Variants in PCSK1 observed in about 807,000 individuals in gnomAD.
PCSK1 encodes the protein neuroendocrine convertase 1.
PCSK1 carries 56 observed loss-of-function variants against 90.6 expected under a neutral mutation model. The observed-to-expected ratio is 0.62, with a 90% CI of 0.50 to 0.77. The LOEUF (loss-of-function observed/expected upper bound fraction) is 0.77. Ranked by LOEUF, PCSK1 falls within the 30% of genes least tolerant of loss-of-function variation. PCSK1 has a pLI of 0.00. For missense variants in PCSK1, 801 were observed against 932.6 expected (o/e 0.86, Z 1.84); for synonymous variants, 348 against 342.4 (o/e 1.02, Z -0.18).
chr5:96,409,401 T>A (rs1345705499), intron 8 of PCSK1, among the ~76,000 whole-genome samples: 1 of 152,178 alleles, frequency 6.6e-6, no homozygotes, highest in Admixed American at 6.5e-5. Context: ...AGGTTGCCCT[T>A]TTTACCTGTT....
Position 96,393,657 on chromosome 5 carries a change from T to C in PCSK1, c.1885-279A>G, listed in dbSNP as rs375471599. 4.6e-5 allele frequency among the ~76,000 whole-genome samples: 7 copies of C among 152,322 alleles called. No individual in the cohort carries two copies. In the East Asian group the frequency reaches 1.3e-3, roughly 29 times the overall value. On this transcript the variant is annotated intron_variant, in intron 13 of 13. Transcript: ENST00000311106. ...GGTGGTTTTGAAGACTAGATGAGAC[T>C]GTATAGGTAAGTACTCAGTACATGG...
intron 4 of PCSK1, among the ~76,000 whole-genome samples, 199 bp downstream of exon 4, chr5:96,423,114 C>T (rs79538383): frequency 2.6e-5 from 4 of 152,242 alleles, no homozygotes; most frequent in Non-Finnish European, 5.9e-5. Context: ...ATTTTTGATC[C>T]CACTGAATTA....
intron 5 of PCSK1, among the ~76,000 whole-genome samples, chr5:96,418,773 T>A (rs1304486640): frequency 6.6e-6 from 1 of 152,200 alleles, no homozygotes; most frequent in Non-Finnish European, 1.5e-5. Flanking sequence ...ATGATAAGGA[T>A]GCCACCTTTT....
chr5:96,416,780 G>A (rs1317261892), intron 5 of PCSK1, among the ~76,000 whole-genome samples: 1 of 152,190 alleles, frequency 6.6e-6, no homozygotes, highest in African/African-American at 2.4e-5. Context: ...CCAGAAGCCT[G>A]AACATGATTG....
rs151257336 is a variant in PCSK1 at position 96,399,999 on chromosome 5, G to T, written c.1384C>A (p.Pro462Thr). Residue 462 changes from proline to threonine, a missense_variant, in exon 10 of 14, where the codon CCT becomes ACT. By Grantham distance (38) the Pro-to-Thr change is conservative. Transcript: ENST00000311106. The stretch of plus-strand genomic sequence containing the variant: ...TTTACAACACACTCTTTCTTCTCAG[G>T]CACGCTCCTCCAGGTCCTGGGGTCA... ...LADPRTWRSV[P>T]EKKECVVKDN... 12 of 1,613,984 alleles carry T rather than the reference G, an allele frequency of 7.4e-6. No individual in the cohort carries two copies. Among genetic ancestry groups the T allele is most frequent in the African/African-American group, 1.3e-5 (1 of 74,930 alleles).
intron 6 of PCSK1, among the ~76,000 whole-genome samples, chr5:96,412,763 T>TTTG (rs1554058757): frequency 6.9e-6 from 1 of 144,506 alleles, no homozygotes; most frequent in African/African-American, 2.8e-5. Context: ...TTTTTTTTTT[T>TTTG]TTTTTTTTTT....
chr5:96,398,003 A>G (rs962457303), intron 11 of PCSK1, among the ~76,000 whole-genome samples: 3 of 152,160 alleles, frequency 2.0e-5, no homozygotes, highest in Non-Finnish European at 2.9e-5. Context: ...AATCTCTTAT[A>G]TTAAAAGACA....
chr5:96,393,856 T>C (rs1040698375), intron 13 of PCSK1, among the ~76,000 whole-genome samples: 33 of 152,120 alleles, frequency 2.2e-4, no homozygotes, highest in Admixed American at 5.9e-4. Flanking sequence ...CTGTAAGAAG[T>C]GGTCAGGGGA....
chr5:96,401,110 AAAG>A (rs1280188901), intron 9 of PCSK1, among the ~76,000 whole-genome samples: 27 of 149,210 alleles, frequency 1.8e-4, no homozygotes, highest in African/African-American at 1.5e-4. Context: ...AAAAAAAAAA[AAAG>A]AAGTTTACAA....
chr5:96,424,008 G>A (rs944207715), intron 3 of PCSK1, among the ~76,000 whole-genome samples: 1 of 152,184 alleles, frequency 6.6e-6, no homozygotes, highest in South Asian at 2.1e-4. Context: ...GATTTAGGGG[G>A]TAAGTGTCTG....
In PCSK1 at chr5:96,390,941, T is replaced by C. The variant is rs1408916634; in HGVS notation, c.*2060A>G. On this transcript the variant is annotated 3_prime_UTR_variant, in exon 14 of 14. Coordinates refer to ENST00000311106, the MANE Select transcript of PCSK1 (RefSeq NM_000439.5). The stretch of plus-strand genomic sequence containing the variant: ...GGTTTTAACCCAGAAAATATTTTGT[T>C]AGGAAGAATCAAAAGAAAGATTTAT... 1 of 152,618 alleles carries C rather than the reference T, an allele frequency of 6.6e-6. No homozygotes were observed. The highest frequency in any genetic ancestry group is 1.9e-4 in the East Asian group (1 of 5,198). 9.5% of individuals were successfully genotyped at this position (152,618 alleles called of 1,614,324 possible).
intron 11 of PCSK1, 125 bp downstream of exon 11, chr5:96,398,754 G>GT: frequency 1.2e-6 from 1 of 833,792 alleles, no homozygotes; most frequent in South Asian, 1.5e-5. Context: ...AAATAAGCAT[G>GT]TTTTTTAAGA....
chr5:96,425,412 G>A (rs1761276509), intron 3 of PCSK1, among the ~76,000 whole-genome samples: 1 of 152,130 alleles, frequency 6.6e-6, no homozygotes, highest in Admixed American at 6.5e-5. Context: ...TATAAGAATT[G>A]TCATTCAGGG....
chr5:96,402,550 C>A (rs957882363), intron 9 of PCSK1, among the ~76,000 whole-genome samples: 1 of 152,168 alleles, frequency 6.6e-6, no homozygotes, highest in African/African-American at 2.4e-5. Context: ...ACCTCAGAGT[C>A]CATAAAATTG....
At chr5:96,397,308 G>GT (rs2112393962) in intron 12 of PCSK1, 28 bp downstream of exon 12, 5 of 1,604,604 alleles carry the variant, frequency 3.1e-6, no homozygotes, top group Non-Finnish European at 4.3e-6. Flanking sequence ...GTAAGCTTGT[G>GT]TTTTTTCATC....
intron 3 of PCSK1, among the ~76,000 whole-genome samples, chr5:96,425,066 A>AAGAAAGAAAG (rs1554059798): frequency 5.1e-4 from 72 of 140,438 alleles, no homozygotes; most frequent in African/African-American, 1.8e-3. Context: ...GAAAGAAAGA[A>AAGAAAGAAAG]AGAAAGAAAA....
At chr5:96,409,372 T>G (rs941784040) in intron 8 of PCSK1, among the ~76,000 whole-genome samples, 1 of 152,216 alleles carries the variant, frequency 6.6e-6, no homozygotes, top group Non-Finnish European at 1.5e-5. Context: ...GCTCTGCTCC[T>G]CAGAGGGCTG....
At chr5:96,430,379 A>G (rs915641694) in intron 1 of PCSK1, among the ~76,000 whole-genome samples, 1 of 152,230 alleles carries the variant, frequency 6.6e-6, no homozygotes, top group Non-Finnish European at 1.5e-5. Context: ...TAAATTGGTG[A>G]TTCTCATCGC....
intron 1 of PCSK1, 44 bp downstream of exon 1, chr5:96,432,819 T>G (rs1554060421): frequency 6.4e-7 from 1 of 1,562,588 alleles, no homozygotes; most frequent in South Asian, 1.1e-5. Context: ...GTCCCGCCAG[T>G]CCCCTGGGGC....
Sources: allele counts gnomAD v4.1 joint callset (sites outside exome capture counted in the v4.1 genomes callset), GRCh38; gene constraint gnomAD v4.1.1; transcripts MANE v1.5; gene names NCBI Gene and HGNC (gene_info 2026-07-23, HGNC 2026-07-21).